Variants in LTA4H observed in about 807,000 individuals in gnomAD.
The protein encoded by LTA4H is leukotriene A-4 hydrolase.
LTA4H carries 59 observed loss-of-function variants against 89.8 expected under a neutral mutation model. That is an observed-to-expected ratio of 0.66 (90% confidence interval 0.53 to 0.82). The LOEUF is 0.82. Among genes scored for constraint, LTA4H ranks in the 40% least tolerant of loss-of-function variants. LTA4H has a pLI of 0.00. For synonymous variants in LTA4H, 227 were observed against 253.1 expected, an observed-to-expected ratio of 0.90 and a Z score of 0.98; for missense variants, 617 against 727.0, an observed-to-expected ratio of 0.85 and a Z score of 1.74.
intron 4 of LTA4H, 144 bp downstream of exon 4, chr12:96,024,335 C>G: frequency 1.9e-6 from 1 of 522,358 alleles, no homozygotes; most frequent in Non-Finnish European, 3.4e-6. Flanking sequence ...AGTGCCACAG[C>G]CTCTTTGTTT....
chr12:96,004,531 C>T (rs1310788785), intron 16 of LTA4H, among the ~76,000 whole-genome samples: 2 of 152,136 alleles, frequency 1.3e-5, no homozygotes, highest in Admixed American at 6.5e-5. Flanking sequence ...CCTACCTTAA[C>T]TCACCCTAAA....
chr12:96,007,970 C>T (rs1163819309), intron 15 of LTA4H, among the ~76,000 whole-genome samples: 1 of 152,120 alleles, frequency 6.6e-6, no homozygotes, highest in African/African-American at 2.4e-5. Context: ...GAACAGAAAA[C>T]CAAATACAGC....
At chr12:96,035,700 C>G (rs1220257203), upstream of LTA4H, 2 of 1,393,580 alleles carry the variant, frequency 1.4e-6, no homozygotes, top group East Asian at 5.3e-5. Context: ...GAAGGAACTA[C>G]AAGTTCCATG....
intron 11 of LTA4H, chr12:96,015,230 T>G (rs923547588): frequency 1.2e-5 from 6 of 486,356 alleles, no homozygotes; most frequent in Non-Finnish European, 2.1e-5. Context: ...GGCTTTATTC[T>G]TATAAAAAGA....
chr12:96,015,078 A>T, intron 11 of LTA4H, 79 bp from the exon 12 acceptor site: 2 of 1,338,054 alleles, frequency 1.5e-6, no homozygotes, highest in Non-Finnish European at 1.0e-6. Context: ...AGGAGGTATT[A>T]CTTCACTCAG....
At chr12:96,011,816 C>G (rs1328636336) in intron 14 of LTA4H, 2 of 152,218 alleles carry the variant, frequency 1.3e-5, no homozygotes, top group African/African-American at 4.8e-5. Flanking sequence ...TTACTCCTTT[C>G]TTTTCCACTG....
At chr12:96,004,194 A>G (rs913394352) in intron 16 of LTA4H, among the ~76,000 whole-genome samples, 4 of 152,226 alleles carry the variant, frequency 2.6e-5, no homozygotes, top group Non-Finnish European at 4.4e-5. Flanking sequence ...TTTAGCATGT[A>G]TAAATATTAT....
At chr12:96,019,099 C>T (rs1345441638) in intron 7 of LTA4H, 69 bp downstream of exon 7, 11 of 1,418,334 alleles carry the variant, frequency 7.8e-6, no homozygotes, top group Admixed American at 2.1e-5. Context: ...AAAACCATCA[C>T]ATTTCACACT....
chr12:96,036,066 AC>A (rs2136925682), upstream of LTA4H, among the ~76,000 whole-genome samples: 1 of 152,106 alleles, frequency 6.6e-6, no homozygotes, highest in South Asian at 2.1e-4. Context: ...CACGCGGGAG[AC>A]CGGGGTTCGA....
Position 96,009,140 on chromosome 12 carries a change from A to C in LTA4H, c.1388T>G (p.Met463Arg). 6.2e-7 allele frequency: 1 copy of C among 1,601,908 alleles called. No homozygotes were observed. Among genetic ancestry groups the C allele is most frequent in the Non-Finnish European group, 8.5e-7 (1 of 1,170,152 alleles). ...GLPPIKPNYD[M>R]TLTNACIALS... is the part of the protein sequence containing the mutation. ...GGCAATACAAGCATTTGTCAGAGTC[A>C]TATCATAACTGCAAAGATAAAGATT... The change falls in exon 15 of 19, where the codon ATG (methionine) becomes AGG (arginine). Residue 463 changes from methionine to arginine, a missense_variant. Around this residue, in one of 3 missense-constraint regions of LTA4H, gnomAD observed 290 missense variants for 339.1 expected, o/e 0.86. Transcript: ENST00000228740.
In LTA4H at chr12:96,022,136, T is replaced by G; in HGVS notation, c.585+11A>C. The G allele has an allele frequency of 6.3e-7, 1 of 1,598,258 alleles. No individual in the cohort carries two copies. The highest frequency in any genetic ancestry group is 8.6e-7 in the Non-Finnish European group (1 of 1,165,758). On this transcript the variant is annotated intron_variant, in intron 5 of 18. Transcript: ENST00000228740. The surrounding 1 kb of genome is among the most constrained non-coding windows in gnomAD (Gnocchi z 4.0). ...CCAATGAAAACAAAAATCTAGACCCTAGGATCTTACTTTTTGGATGAATTT... is the reference window on the plus strand; with the variant it reads ...CCAATGAAAACAAAAATCTAGACCCGAGGATCTTACTTTTTGGATGAATTT...
chr12:96,026,308 C>A (rs1426461320), intron 3 of LTA4H, among the ~76,000 whole-genome samples: 1 of 152,210 alleles, frequency 6.6e-6, no homozygotes, highest in Non-Finnish European at 1.5e-5. Flanking sequence ...CAAACAAAAT[C>A]ATGTCTACAT....
intron 3 of LTA4H, among the ~76,000 whole-genome samples, chr12:96,026,459 T>G (rs1297459618): frequency 6.6e-6 from 1 of 152,198 alleles, no homozygotes; most frequent in Non-Finnish European, 1.5e-5. Flanking sequence ...CTTGCCAACT[T>G]TGGTTAATAG....
chr12:96,018,972 A>G, intron 7 of LTA4H, 69 bp from the exon 8 acceptor site: 1 of 1,378,984 alleles, frequency 7.3e-7, no homozygotes, highest in Non-Finnish European at 9.9e-7. Flanking sequence ...AAAATTGTAT[A>G]TTGCTTTCTA....
At chr12:96,033,402 T>A (rs767985760) in intron 1 of LTA4H, among the ~76,000 whole-genome samples, 4 of 152,182 alleles carry the variant, frequency 2.6e-5, no homozygotes, top group Non-Finnish European at 5.9e-5. Flanking sequence ...TAGAAAAACC[T>A]CTTTAAATTT....
At chr12:96,039,067 A>C (rs976733429), upstream of LTA4H, among the ~76,000 whole-genome samples, 2 of 152,104 alleles carry the variant, frequency 1.3e-5, no homozygotes, top group Non-Finnish European at 2.9e-5. Context: ...GCTTCAAAAA[A>C]TGAGGCTTTC....
rs752164484 is a variant in LTA4H at position 96,014,963 on chromosome 12, G to A, written c.1096C>T (p.Leu366Phe). Residue 366 changes from leucine to phenylalanine, a missense_variant, in exon 12 of 19, where the codon CTT becomes TTT. This residue lies in a region of LTA4H where 290 missense variants were observed against 339.1 expected (regional missense o/e 0.86). Coordinates refer to ENST00000228740, the MANE Select transcript of LTA4H (RefSeq NM_000895.3). ...TFGETHPFTKLVVDLTDIDPD... is the reference protein window; with the variant it reads ...TFGETHPFTKFVVDLTDIDPD... ...TCTATATCTGTCAGATCAACCACAA[G>A]TTTGGTGAAAGGATGTGTCTCCCCA... is the stretch of plus-strand genomic sequence containing the variant. The A allele has an allele frequency of 1.2e-6, 2 of 1,613,186 alleles. No individual in the cohort carries two copies. The highest frequency in any genetic ancestry group is 1.7e-6 in the Non-Finnish European group (2 of 1,179,692).
intron 1 of LTA4H, among the ~76,000 whole-genome samples, chr12:96,034,382 A>C (rs528343350): frequency 2.0e-5 from 3 of 152,242 alleles, no homozygotes; most frequent in African/African-American, 7.2e-5. Flanking sequence ...AAGAACATTA[A>C]ATATAGGTTA....
chr12:96,024,555 A>G lies in LTA4H; in HGVS notation c.412-8T>C. 3.2e-6 allele frequency: 5 copies of G among 1,585,616 alleles called. No individual in the cohort carries two copies. The highest frequency in any genetic ancestry group is 3.5e-6 in the Non-Finnish European group (4 of 1,155,480). Reference sequence around the variant, plus strand: ...TGCTCTGCAGTGGATGGCCTGAAAAAGGGAGAAACAAGAAGAAATAGCTAT... The same window carrying G: ...TGCTCTGCAGTGGATGGCCTGAAAAGGGGAGAAACAAGAAGAAATAGCTAT... On this transcript the variant is annotated splice_polypyrimidine_tract_variant and splice_region_variant and intron_variant, in intron 3 of 18. Coordinates refer to ENST00000228740, the MANE Select transcript of LTA4H (RefSeq NM_000895.3).
Sources: allele counts gnomAD v4.1 joint callset (sites outside exome capture counted in the v4.1 genomes callset), GRCh38; gene constraint gnomAD v4.1.1; regional missense constraint gnomAD v4.1.1; non-coding constraint Gnocchi (gnomAD v3.1); transcripts MANE v1.5; gene names NCBI Gene and HGNC (gene_info 2026-07-23, HGNC 2026-07-21).